Variants in PPP2R2A observed in about 807,000 individuals in gnomAD.
The protein encoded by PPP2R2A is protein phosphatase 2 regulatory subunit Balpha.
Under a neutral mutation model 53.2 loss-of-function variants are expected in PPP2R2A, and 9 were observed. The ratio of observed to expected loss-of-function variants is 0.17; its 90% CI spans 0.10 to 0.30. PPP2R2A has a LOEUF of 0.30. Ranked by LOEUF, PPP2R2A falls within the 10% of genes least tolerant of loss-of-function variation. The probability of loss-of-function intolerance (pLI) is 1.00; values close to 1 mark genes in which losing one functional copy is unlikely to be tolerated. For synonymous variants in PPP2R2A, 169 were observed against 174.2 expected (o/e 0.97, Z 0.23); for missense variants, 235 against 534.6 (o/e 0.44, Z 5.53).
intron 2 of PPP2R2A, among the ~76,000 whole-genome samples, chr8:26,331,354 T>A (rs1272377818): frequency 1.3e-4 from 20 of 152,236 alleles, no homozygotes; most frequent in Non-Finnish European, 1.5e-5. Context: ...CAGGTTATCT[T>A]AACTCCTTTG....
intron 2 of PPP2R2A, among the ~76,000 whole-genome samples, chr8:26,310,858 C>G (rs537892480): frequency 6.6e-6 from 1 of 151,792 alleles, no homozygotes. Context: ...AATGTTGGAG[C>G]CTTTTTGTGT....
intron 9 of PPP2R2A, among the ~76,000 whole-genome samples, chr8:26,367,286 CAAG>C (rs1004142828): frequency 2.6e-5 from 4 of 151,246 alleles, no homozygotes; most frequent in Non-Finnish European, 4.4e-5. Context: ...CCTGAGGCAT[CAAG>C]AAGAAAGAAG....
intron 2 of PPP2R2A, among the ~76,000 whole-genome samples, chr8:26,302,153 G>A (rs1357062589): frequency 6.6e-6 from 1 of 152,170 alleles, no homozygotes; most frequent in Non-Finnish European, 1.5e-5. Flanking sequence ...TTTATTTGAA[G>A]TAACTGATGA....
intron 2 of PPP2R2A, among the ~76,000 whole-genome samples, chr8:26,311,245 A>G (rs7006067): frequency 0.019 from 2,847 of 152,296 alleles, 86 homozygotes; most frequent in African/African-American, 0.066. Context: ...TTATTTTTCT[A>G]TCTGATACCC....
At chr8:26,330,100 T>G (rs1185116500) in intron 2 of PPP2R2A, among the ~76,000 whole-genome samples, 1 of 152,202 alleles carries the variant, frequency 6.6e-6, no homozygotes, top group African/African-American at 2.4e-5. Flanking sequence ...AGGTCAGGTC[T>G]TGGTTACTTT....
rs1803771827 is a variant in PPP2R2A, at chr8:26,338,309, G to A, written c.83-581G>A. Among the ~76,000 whole-genome samples, 1 of 152,202 alleles carries A rather than the reference G, an allele frequency of 6.6e-6. No homozygotes were observed. Among genetic ancestry groups the A allele is most frequent in the Non-Finnish European group, 1.5e-5 (1 of 68,038 alleles). On this transcript the variant is annotated intron_variant, in intron 2 of 9. Coordinates refer to ENST00000380737, the MANE Select transcript of PPP2R2A (RefSeq NM_002717.4). This position sits in a 1 kb window ranked among gnomAD's most constrained non-coding sequence, Gnocchi z 4.5. ...TGACGTGACTGATTCTAGTGGTCCT[G>A]CAGTGTAGGGGAGCTGGAGGAGCCG... is the stretch of plus-strand genomic sequence containing the variant.
chr8:26,325,166 G>A (rs1803022623), intron 2 of PPP2R2A, among the ~76,000 whole-genome samples: 1 of 151,756 alleles, frequency 6.6e-6, no homozygotes, highest in Non-Finnish European at 1.5e-5. Flanking sequence ...TGGTTTTGCT[G>A]TGTCCCCATT....
chr8:26,297,775 A>G (rs528347468), intron 2 of PPP2R2A, among the ~76,000 whole-genome samples: 1 of 152,330 alleles, frequency 6.6e-6, no homozygotes, highest in South Asian at 2.1e-4. Context: ...GGATTTAGAT[A>G]TTATTACTTG....
At chr8:26,327,438 CAAGCTTTATT>C (rs1803148596) in intron 2 of PPP2R2A, among the ~76,000 whole-genome samples, 2 of 152,162 alleles carry the variant, frequency 1.3e-5, no homozygotes, top group Non-Finnish European at 2.9e-5. Flanking sequence ...ATGAGTAGGT[CAAGCTTTATT>C]CACTTTTAAG....
At chr8:26,365,566 C>G (rs901095369) in intron 8 of PPP2R2A, 29 of 152,176 alleles carry the variant, frequency 1.9e-4, no homozygotes, top group African/African-American at 6.7e-4. Context: ...TAGACACTTC[C>G]TTTTTTCCTT....
At chr8:26,313,570 T>G (rs1380551914) in intron 2 of PPP2R2A, among the ~76,000 whole-genome samples, 1 of 152,156 alleles carries the variant, frequency 6.6e-6, no homozygotes, top group Non-Finnish European at 1.5e-5. Flanking sequence ...ACTGTTACCT[T>G]ATATGGCAAA....
intron 4 of PPP2R2A, among the ~76,000 whole-genome samples, chr8:26,359,445 T>A (rs1285056334): frequency 6.6e-6 from 1 of 152,210 alleles, no homozygotes; most frequent in Non-Finnish European, 1.5e-5. Context: ...AAAGGATATA[T>A]GGAACACTGC....
intron 3 of PPP2R2A, among the ~76,000 whole-genome samples, chr8:26,349,342 C>G (rs547068370): frequency 6.6e-6 from 1 of 152,048 alleles, no homozygotes; most frequent in African/African-American, 2.4e-5. Flanking sequence ...AATGTTTTCT[C>G]AGGTTGAAAT....
chr8:26,308,233 T>C (rs533742820), intron 2 of PPP2R2A, among the ~76,000 whole-genome samples: 1 of 152,258 alleles, frequency 6.6e-6, no homozygotes, highest in Non-Finnish European at 1.5e-5. Flanking sequence ...GGCTGTTGAC[T>C]GATCAGTGTG....
chr8:26,305,206 G>A (rs1801962618), intron 2 of PPP2R2A, among the ~76,000 whole-genome samples: 1 of 152,162 alleles, frequency 6.6e-6, no homozygotes. Context: ...AATGTCTTCA[G>A]GGTTCATCCC....
chr8:26,315,892 T>C (rs527559744), intron 2 of PPP2R2A, among the ~76,000 whole-genome samples: 43 of 152,350 alleles, frequency 2.8e-4, no homozygotes, highest in East Asian at 5.8e-4. Flanking sequence ...GTTTATAGTT[T>C]CTTTTCATTC....
intron 2 of PPP2R2A, among the ~76,000 whole-genome samples, chr8:26,313,020 T>C (rs1294481281): frequency 6.6e-6 from 1 of 151,972 alleles, no homozygotes; most frequent in Non-Finnish European, 1.5e-5. Flanking sequence ...CTTCTGGTGT[T>C]TATTTTCATA....
At chr8:26,342,564 T>C (rs531771897) in intron 3 of PPP2R2A, among the ~76,000 whole-genome samples, 43 of 152,232 alleles carry the variant, frequency 2.8e-4, no homozygotes, top group African/African-American at 1.0e-3. Flanking sequence ...TGATGTACCC[T>C]GTAAGGTAGT....
chr8:26,318,443 G>C (rs1472310123), intron 2 of PPP2R2A, among the ~76,000 whole-genome samples: 1 of 152,108 alleles, frequency 6.6e-6, no homozygotes, highest in African/African-American at 2.4e-5. Context: ...ATAATTTGAT[G>C]TCTGGGATGT....
Sources: gnomAD v4.1 joint callset for allele counts (sites outside exome capture counted in the v4.1 genomes callset) on GRCh38, gnomAD v4.1.1 for gene constraint, Gnocchi (gnomAD v3.1) non-coding constraint, MANE v1.5 for transcripts, NCBI Gene and HGNC (gene_info 2026-07-23, HGNC 2026-07-21) for gene names.